Variants in RYR3 observed in about 807,000 individuals in gnomAD.
RYR3 encodes brain ryanodine receptor-calcium release channel.
RYR3 carries 207 observed loss-of-function variants against 584.3 expected under a neutral mutation model. The ratio of observed to expected loss-of-function variants is 0.35; its 90% CI spans 0.32 to 0.40. RYR3 has a LOEUF of 0.40. Ranked by LOEUF, RYR3 falls within the 10% of genes least tolerant of loss-of-function variation. RYR3 has a pLI of 1.00. For synonymous variants in RYR3, 2,416 were observed against 2,248.5 expected, an observed-to-expected ratio of 1.07 and a Z score of -2.11; for missense variants, 5,616 against 6,089.2, an observed-to-expected ratio of 0.92 and a Z score of 2.59.
intron 2 of RYR3, among the ~76,000 whole-genome samples, chr15:33,477,689 C>T (rs958497929): frequency 1.0e-4 from 15 of 150,204 alleles, no homozygotes; most frequent in Admixed American, 2.7e-4. Context: ...TCCTGGCTAA[C>T]ACGGTGAAAC....
At position 33,644,377 on chromosome 15, in the gene RYR3, G is replaced by C. The variant is rs1181544618; in HGVS notation, c.3623G>C (p.Ser1208Thr). 3.7e-6 allele frequency: 6 copies of C among 1,613,260 alleles called. No individual in the cohort carries two copies. Among genetic ancestry groups the C allele is most frequent in the Admixed American group, 1.7e-5 (1 of 59,932 alleles). The stretch of plus-strand genomic sequence containing the variant: ...CGCATGAATCTCGGGACAGATGCCA[G>C]TACCTTCAAGTTTTATACCATGTGC... ...IGRMNLGTDA[S>T]TFKFYTMCGL... is the part of the protein sequence containing the mutation. Residue 1208 changes from serine to threonine, a missense_variant, in exon 28 of 104, where the codon AGT becomes ACT. By Grantham distance (58) the Ser-to-Thr change is moderately conservative (BLOSUM62 1). Around this residue, in one of 9 missense-constraint regions of RYR3, gnomAD observed 152 missense variants for 200.9 expected, o/e 0.76. Transcript: ENST00000634891.
At chr15:33,616,063 C>T (rs1052735058) in intron 19 of RYR3, among the ~76,000 whole-genome samples, 1 of 152,170 alleles carries the variant, frequency 6.6e-6, no homozygotes, top group African/African-American at 2.4e-5. Flanking sequence ...GCCTTGGTCA[C>T]CCACCATTAA....
chr15:33,430,656 CAT>C (rs1323564395), intron 1 of RYR3, among the ~76,000 whole-genome samples: 4 of 152,170 alleles, frequency 2.6e-5, no homozygotes, highest in Non-Finnish European at 5.9e-5. Context: ...AATGCGGGGA[CAT>C]GTGTTAAGAT....
chr15:33,359,530 G>A (rs1438439597), intron 1 of RYR3, among the ~76,000 whole-genome samples: 2 of 152,114 alleles, frequency 1.3e-5, no homozygotes, highest in African/African-American at 4.8e-5. Flanking sequence ...TCCTCTCTCA[G>A]CCTTTCACTT....
At chr15:33,763,419 C>CA (rs145446458) in intron 60 of RYR3, among the ~76,000 whole-genome samples, 86 of 144,794 alleles carry the variant, frequency 5.9e-4, no homozygotes, top group Non-Finnish European at 8.6e-4. Context: ...AATAAATTTA[C>CA]AAAAAAAAAA....
intron 1 of RYR3, among the ~76,000 whole-genome samples, chr15:33,353,792 C>A (rs1478400695): frequency 6.6e-6 from 1 of 151,736 alleles, no homozygotes; most frequent in Non-Finnish European, 1.5e-5. Context: ...TCAGGTAGGT[C>A]TAGGGCAGAT....
intron 47 of RYR3, 127 bp from the exon 48 acceptor site, chr15:33,731,347 C>T: frequency 1.6e-6 from 1 of 607,358 alleles, no homozygotes; most frequent in South Asian, 2.2e-5. Context: ...GAAAGTTGTT[C>T]ACTGCCTTGC....
At chr15:33,747,775 C>T (rs114273333) in intron 53 of RYR3, among the ~76,000 whole-genome samples, 5,504 of 152,222 alleles carry the variant, frequency 0.036, 257 homozygotes, top group African/African-American at 0.11. Flanking sequence ...CACAGGAGAG[C>T]TTTATGCAGA....
chr15:33,756,877 G>A (rs146010825), intron 59 of RYR3, among the ~76,000 whole-genome samples: 3 of 152,172 alleles, frequency 2.0e-5, no homozygotes, highest in East Asian at 1.9e-4. Flanking sequence ...AAAAGTTCAG[G>A]GACCGGGAGA....
At chr15:33,674,029 C>G (rs1451783570) in intron 38 of RYR3, among the ~76,000 whole-genome samples, 1 of 152,176 alleles carries the variant, frequency 6.6e-6, no homozygotes, top group Middle Eastern at 3.2e-3. Context: ...CTGCTCTCCC[C>G]TGCCACTCTT....
At chr15:33,343,639 A>G (rs141593000) in intron 1 of RYR3, among the ~76,000 whole-genome samples, 1 of 152,296 alleles carries the variant, frequency 6.6e-6, no homozygotes, top group East Asian at 1.9e-4. Flanking sequence ...GTGGAAAAAC[A>G]CTTCTTTTCC....
chr15:33,366,426 G>A (rs764159318), intron 1 of RYR3, among the ~76,000 whole-genome samples: 3 of 152,050 alleles, frequency 2.0e-5, no homozygotes, highest in Non-Finnish European at 2.9e-5. Context: ...AAAAAGATCT[G>A]GATAGTTAGA....
At chr15:33,859,436 A>G (rs979885070) in intron 99 of RYR3, 139 bp from the exon 100 acceptor site, 38 of 797,638 alleles carry the variant, frequency 4.8e-5, no homozygotes, top group Non-Finnish European at 1.0e-5. Flanking sequence ...TAGCAGCATG[A>G]ATACTGGCAC....
chr15:33,329,029 A>T (rs1970072380), intron 1 of RYR3, among the ~76,000 whole-genome samples: 1 of 152,174 alleles, frequency 6.6e-6, no homozygotes, highest in Non-Finnish European at 1.5e-5. Flanking sequence ...GTTAAAGGAA[A>T]TTTATGGTTA....
rs1047168659 is a variant in RYR3, at chr15:33,572,432, C to T, written c.1268+5633C>T. Among the ~76,000 whole-genome samples the T allele has an allele frequency of 4.0e-5, 6 of 151,646 alleles. No homozygotes were observed. In the South Asian group the frequency reaches 1.0e-3, roughly 26 times the overall value. ...AGGTTCAGGCAGTTTAGAGTTCTAT[C>T]CTGGATTTTGTCTTCTGCTTGTGCG... On this transcript the variant is annotated intron_variant, in intron 12 of 103. Coordinates refer to ENST00000634891, the MANE Select transcript of RYR3 (RefSeq NM_001036.6).
At chr15:33,496,216 G>A (rs1171594289) in intron 2 of RYR3, among the ~76,000 whole-genome samples, 2 of 152,210 alleles carry the variant, frequency 1.3e-5, no homozygotes, top group East Asian at 1.9e-4. Flanking sequence ...TTGAGGTGAT[G>A]TGGTGTCACG....
At chr15:33,387,137 G>A (rs1267275376) in intron 1 of RYR3, among the ~76,000 whole-genome samples, 2 of 152,156 alleles carry the variant, frequency 1.3e-5, no homozygotes, top group South Asian at 2.1e-4. Flanking sequence ...GATTACAGTC[G>A]TGAGACACCA....
chr15:33,393,889 C>T (rs1177106691), intron 1 of RYR3, among the ~76,000 whole-genome samples: 1 of 152,182 alleles, frequency 6.6e-6, no homozygotes, highest in African/African-American at 2.4e-5. Flanking sequence ...CAATGCGAGG[C>T]ATTCTATGAT....
At chr15:33,419,488 C>T (rs2044075145) in intron 1 of RYR3, among the ~76,000 whole-genome samples, 1 of 152,120 alleles carries the variant, frequency 6.6e-6, no homozygotes, top group Non-Finnish European at 1.5e-5. Context: ...TCCTGTCCTT[C>T]CTTCCTTCCA....
Sources: allele counts gnomAD v4.1 joint callset (sites outside exome capture counted in the v4.1 genomes callset), GRCh38; gene constraint gnomAD v4.1.1; regional missense constraint gnomAD v4.1.1; transcripts MANE v1.5; gene names NCBI Gene and HGNC (gene_info 2026-07-23, HGNC 2026-07-21).